LMO7: variants seen among roughly 807,000 people sequenced by gnomAD.
LMO7 encodes the protein LIM domain 7, also known as LIM domain only protein 7.
In LMO7, 120 loss-of-function variants were observed where a neutral mutation model predicts 206.5. The observed-to-expected ratio is 0.58, with a 90% confidence interval of 0.50 to 0.68. The LOEUF (loss-of-function observed/expected upper bound fraction) is 0.68, where lower values mean the gene tolerates loss of function less well. Among genes scored for constraint, LMO7 ranks in the 30% least tolerant of loss-of-function variants. LMO7 has a pLI of 0.00. For synonymous variants in LMO7, 706 were observed against 681.5 expected (o/e 1.04, Z -0.56); for missense variants, 1,959 against 1,957.9 (o/e 1.00, Z -0.01).
chr13:75,855,638 A>G (rs2060872063), intron 29 of LMO7, among the ~76,000 whole-genome samples: 1 of 152,220 alleles, frequency 6.6e-6, no homozygotes, highest in Non-Finnish European at 1.5e-5. Flanking sequence ...GCTTTCTCTA[A>G]GATGCTGTCA....
chr13:75,631,748 C>CT (rs755824599), upstream of LMO7: 1 of 152,302 alleles, frequency 6.6e-6, no homozygotes, highest in Non-Finnish European at 1.5e-5. Context: ...CTGAGGCCAA[C>CT]TTTGAAGGAG....
intron 3 of LMO7, among the ~76,000 whole-genome samples, chr13:75,734,550 C>A (rs2045609119): frequency 6.6e-6 from 1 of 152,074 alleles, no homozygotes; most frequent in African/African-American, 2.4e-5. Context: ...TTAGCAATAC[C>A]AAAATTTCTG....
chr13:75,846,219 G>A (rs1208429287), intron 26 of LMO7, among the ~76,000 whole-genome samples: 1 of 152,164 alleles, frequency 6.6e-6, no homozygotes, highest in Non-Finnish European at 1.5e-5. Flanking sequence ...AGATAGTCTG[G>A]TGGCAGCTAG....
chr13:75,722,290 G>T (rs9600534), intron 2 of LMO7, among the ~76,000 whole-genome samples: 3 of 152,106 alleles, frequency 2.0e-5, no homozygotes, highest in Admixed American at 1.3e-4. Flanking sequence ...GAAAATCTTT[G>T]CAATCTATAC....
intron 1 of LMO7, among the ~76,000 whole-genome samples, chr13:75,643,687 A>T (rs539293207): frequency 6.6e-6 from 1 of 152,348 alleles, no homozygotes; most frequent in South Asian, 2.1e-4. Flanking sequence ...CAAAGCTCTT[A>T]ATAGGGATAA....
chr13:75,841,976 T>C lies in LMO7; in HGVS notation c.4024T>C (p.Tyr1342His). Reference sequence around the variant, plus strand: ...GGAAACATCAGTCAGAATATACCAGTACAGGAGGTATGTCCCCACAGCCAG... The same window carrying C: ...GGAAACATCAGTCAGAATATACCAGCACAGGAGGTATGTCCCCACAGCCAG... ...ERETSVRIYQYRRPVDSYDIP... is the reference protein window; with the variant it reads ...ERETSVRIYQHRRPVDSYDIP... Residue 1342 changes from tyrosine to histidine, a missense_variant, in exon 24 of 31, where the codon TAC becomes CAC. Physicochemically the swap from Tyr to His is moderately conservative, Grantham distance 83. Transcript: ENST00000377534. 10 of 1,607,768 alleles carry C rather than the reference T, an allele frequency of 6.2e-6. No homozygotes were observed. Among genetic ancestry groups the C allele is most frequent in the Non-Finnish European group, 7.6e-6 (9 of 1,176,958 alleles).
At chr13:75,705,626 G>A (rs1033723969) in intron 1 of LMO7, among the ~76,000 whole-genome samples, 1 of 152,172 alleles carries the variant, frequency 6.6e-6, no homozygotes, top group Non-Finnish European at 1.5e-5. Flanking sequence ...TACGTGAAAT[G>A]TGTCACACCT....
intron 4 of LMO7, among the ~76,000 whole-genome samples, chr13:75,774,469 A>G (rs1374517923): frequency 6.6e-6 from 1 of 152,122 alleles, no homozygotes; most frequent in Non-Finnish European, 1.5e-5. Flanking sequence ...AGTTTTGGCT[A>G]TTGTGGATAA....
intron 1 of LMO7, among the ~76,000 whole-genome samples, chr13:75,646,124 C>CT (rs1200676806): frequency 1.3e-5 from 2 of 152,162 alleles, no homozygotes; most frequent in Non-Finnish European, 2.9e-5. Context: ...TCTATCTTAG[C>CT]AAATGGCATC....
intron 26 of LMO7, among the ~76,000 whole-genome samples, chr13:75,847,012 C>A (rs530373606): frequency 8.1e-5 from 11 of 135,848 alleles, no homozygotes; most frequent in African/African-American, 3.1e-4. Context: ...GCCTGGGTGA[C>A]GGAGCAGACT....
At chr13:75,648,280 A>T (rs2037237539) in intron 1 of LMO7, among the ~76,000 whole-genome samples, 1 of 151,936 alleles carries the variant, frequency 6.6e-6, no homozygotes, top group African/African-American at 2.4e-5. Flanking sequence ...TCTAGCTGTT[A>T]CTTGAATTAA....
chr13:75,842,024 T>A (rs754775549), intron 24 of LMO7, 41 bp downstream of exon 24: 1 of 1,474,636 alleles, frequency 6.8e-7, no homozygotes, highest in Non-Finnish European at 9.2e-7. Context: ...CTTAGCTGTA[T>A]CCATTCCCCA....
At chr13:75,808,497 C>T (rs1407110635) in intron 10 of LMO7, among the ~76,000 whole-genome samples, 1 of 152,102 alleles carries the variant, frequency 6.6e-6, no homozygotes, top group Non-Finnish European at 1.5e-5. Flanking sequence ...AGTTTCTGGA[C>T]TTCTCATGTT....
chr13:75,730,961 A>G (rs1177702268), intron 3 of LMO7, among the ~76,000 whole-genome samples: 4 of 150,762 alleles, frequency 2.7e-5, no homozygotes, highest in Non-Finnish European at 5.9e-5. Context: ...CTTAATCCTG[A>G]GTTCTAGTTT....
chr13:75,852,161 T>C (rs2060550072), intron 27 of LMO7, among the ~76,000 whole-genome samples: 2 of 152,246 alleles, frequency 1.3e-5, no homozygotes, highest in Non-Finnish European at 2.9e-5. Context: ...TATTAGCTCT[T>C]ATTTTAAAAA....
At chr13:75,632,861 A>ATTTTTTTTTTTTTTTT (rs1339104269), upstream of LMO7, among the ~76,000 whole-genome samples, 3 of 30,556 alleles carry the variant, frequency 9.8e-5, no homozygotes, top group African/African-American at 1.7e-4. Flanking sequence ...ATTACTTAAA[A>ATTTTTTTTTTTTTTTT]GTTTTTTTTT....
intron 1 of LMO7, among the ~76,000 whole-genome samples, chr13:75,695,863 A>G (rs1349133556): frequency 6.6e-6 from 1 of 152,182 alleles, no homozygotes; most frequent in East Asian, 1.9e-4. Context: ...ATTTTCACCA[A>G]CTATTACTTG....
intron 4 of LMO7, among the ~76,000 whole-genome samples, chr13:75,766,567 G>GGGAGAAGGCCCTGTAAATTCACA: frequency 6.6e-6 from 1 of 151,082 alleles, no homozygotes; most frequent in Non-Finnish European, 1.5e-5. Context: ...ATTATGACTG[G>GGGAGAAGGCCCTGTAAATTCACA]GGAGATGGCC....
At chr13:75,818,763 A>T (rs2057302589) in intron 12 of LMO7, among the ~76,000 whole-genome samples, 1 of 152,106 alleles carries the variant, frequency 6.6e-6, no homozygotes, top group African/African-American at 2.4e-5. Context: ...CGGAGGTGGA[A>T]CCGGACCCAT....
Sources: allele counts gnomAD v4.1 joint callset (sites outside exome capture counted in the v4.1 genomes callset), GRCh38; gene constraint gnomAD v4.1.1; transcripts MANE v1.5; gene names NCBI Gene and HGNC (gene_info 2026-07-23, HGNC 2026-07-21).